Variants in P2RX5 observed in about 807,000 individuals in gnomAD.
P2RX5 encodes P2X purinoceptor 5.
In P2RX5, 46 loss-of-function variants were observed where a neutral mutation model predicts 54.1. The ratio of observed to expected loss-of-function variants is 0.85; its 90% confidence interval spans 0.67 to 1.09. The LOEUF is 1.09. Among genes scored for constraint, P2RX5 ranks in the 50% least tolerant of loss-of-function variants. P2RX5 has a pLI of 0.00. For synonymous variants in P2RX5, 226 were observed against 226.4 expected, an observed-to-expected ratio of 1.00 and a Z score of 0.02; for missense variants, 566 against 549.8, an observed-to-expected ratio of 1.03 and a Z score of -0.29.
chr17:3,675,553 ACTTT>A (rs763955041), intron 11 of P2RX5: 387 of 981,570 alleles, frequency 3.9e-4, no homozygotes, highest in Admixed American at 7.5e-4. Context: ...CTGGATCTTC[ACTTT>A]CTTTTTTTTT....
the P2RX5 span, chr17:3,722,495 A>G: frequency 0.11 from 17,191 of 152,610 alleles, 1,023 homozygotes; most frequent in Middle Eastern, 0.15. Flanking sequence ...AAAAAAAAAA[A>G]AAAAGAAAAG....
intron 9 of P2RX5, among the ~76,000 whole-genome samples, chr17:3,685,072 A>G (rs2050401759): frequency 6.6e-6 from 1 of 151,986 alleles, no homozygotes; most frequent in Non-Finnish European, 1.5e-5. Flanking sequence ...TCTCGAACTC[A>G]CAACCTCAGG....
chr17:3,719,235 C>CAAAAAAAAA, the P2RX5 span, among the ~76,000 whole-genome samples: 3 of 66,210 alleles, frequency 4.5e-5, no homozygotes, highest in Non-Finnish European at 5.9e-5. Flanking sequence ...GATTCTTCCT[C>CAAAAAAAAA]AAAAAAAAAA....
intron 9 of P2RX5, 123 bp from the exon 10 acceptor site, chr17:3,682,101 G>A: frequency 4.1e-6 from 3 of 725,390 alleles, no homozygotes; most frequent in Non-Finnish European, 7.5e-6. Context: ...CCATTTAACA[G>A]ATGAGGAAAC....
the P2RX5 span, among the ~76,000 whole-genome samples, chr17:3,705,866 G>A: frequency 6.6e-6 from 1 of 152,016 alleles, no homozygotes; most frequent in Non-Finnish European, 1.5e-5. Context: ...CACAATCATG[G>A]CTCACTGCAG....
intron 7 of P2RX5, among the ~76,000 whole-genome samples, chr17:3,688,964 G>A (rs931230663): frequency 5.3e-5 from 8 of 152,194 alleles, no homozygotes; most frequent in East Asian, 1.9e-4. Flanking sequence ...TGCCTCCCTC[G>A]TTCTTCAGGG....
chr17:3,696,062 A>ACTCGGTCC lies in P2RX5; in HGVS notation c.-65_-58dup, dbSNP rs2050752979. 2.5e-6 allele frequency: 4 copies of ACTCGGTCC among 1,597,188 alleles called. No homozygotes were observed. Among genetic ancestry groups the ACTCGGTCC allele is most frequent in the South Asian group, 2.2e-5 (2 of 90,246 alleles). On this transcript the variant is annotated 5_prime_UTR_variant, in exon 1 of 12. Coordinates refer to ENST00000225328, the MANE Select transcript of P2RX5 (RefSeq NM_002561.4). ...CGGCCCACGTGCGCTCATGGGGAGC[A>ACTCGGTCC]CTCGGTCCCTCGGTCCCTGCGCGCC...
At chr17:3,696,691 C>T (rs2050765475), upstream of P2RX5, among the ~76,000 whole-genome samples, 2 of 152,192 alleles carry the variant, frequency 1.3e-5, no homozygotes. Context: ...CCGCCCACCT[C>T]GGCCTCCCAA....
chr17:3,697,139 C>G (rs117973460), upstream of P2RX5, among the ~76,000 whole-genome samples: 1 of 40,046 alleles, frequency 2.5e-5, no homozygotes, highest in Non-Finnish European at 4.6e-5. Flanking sequence ...GCGGATGGTG[C>G]GGGGGTGGGG....
intron 11 of P2RX5, chr17:3,678,254 CAG>C (rs1438453996): frequency 6.3e-5 from 13 of 205,944 alleles, no homozygotes; most frequent in African/African-American, 3.1e-4. Flanking sequence ...GCAGAGCATT[CAG>C]AGAGAGCACA....
chr17:3,677,809 C>T (rs1362884745), intron 11 of P2RX5: 1 of 985,270 alleles, frequency 1.0e-6, no homozygotes, highest in East Asian at 1.1e-4. Context: ...TCCAAACACT[C>T]CACTTCCGCT....
At chr17:3,705,121 G>T in the P2RX5 span, among the ~76,000 whole-genome samples, 1 of 152,160 alleles carries the variant, frequency 6.6e-6, no homozygotes, top group Non-Finnish European at 1.5e-5. Context: ...TCCAGTTCCC[G>T]GCGCTGGCTT....
At chr17:3,704,106 A>AAAAT in the P2RX5 span, among the ~76,000 whole-genome samples, 1 of 35,338 alleles carries the variant, frequency 2.8e-5, no homozygotes, top group East Asian at 6.5e-3. Flanking sequence ...CTGCCTCAAA[A>AAAAT]AAACAAACAA....
At chr17:3,682,308 G>T in intron 9 of P2RX5, 1 of 392,178 alleles carries the variant, frequency 2.5e-6, no homozygotes, top group Non-Finnish European at 4.9e-6. Flanking sequence ...GTACGGAGAG[G>T]ATCTGGACAA....
At chr17:3,680,326 TGC>T (rs2050223734) in intron 10 of P2RX5, among the ~76,000 whole-genome samples, 1 of 125,874 alleles carries the variant, frequency 7.9e-6, no homozygotes, top group Non-Finnish European at 1.7e-5. Context: ...TCCTCCACCC[TGC>T]ATCCTCCACC....
At chr17:3,711,931 G>C in the P2RX5 span, among the ~76,000 whole-genome samples, 1 of 116,366 alleles carries the variant, frequency 8.6e-6, no homozygotes, top group Non-Finnish European at 1.9e-5. Flanking sequence ...TCATTAAGTA[G>C]TTCCTGATGT....
intron 7 of P2RX5, 129 bp downstream of exon 7, chr17:3,689,363 C>A: frequency 1.4e-6 from 1 of 714,584 alleles, no homozygotes. Flanking sequence ...AACACTGAGT[C>A]CCTGGGGGCA....
chr17:3,695,724 C>G (rs1395679157), intron 1 of P2RX5, 145 bp downstream of exon 1: 1 of 923,610 alleles, frequency 1.1e-6, no homozygotes. Context: ...CAAAGAGGAC[C>G]CCCACAGCAA....
chr17:3,677,334 C>G, intron 11 of P2RX5: 1 of 975,812 alleles, frequency 1.0e-6, no homozygotes, highest in Non-Finnish European at 1.2e-6. Context: ...GTCCATATTC[C>G]CCGGGCGTCC....
Sources: allele counts gnomAD v4.1 joint callset (sites outside exome capture counted in the v4.1 genomes callset), GRCh38; gene constraint gnomAD v4.1.1; transcripts MANE v1.5; gene names NCBI Gene and HGNC (gene_info 2026-07-23, HGNC 2026-07-21).